CSMD1: variants seen among roughly 807,000 people sequenced by gnomAD.
CSMD1 encodes the protein CUB and Sushi multiple domains 1, also known as CUB and sushi domain-containing protein 1.
In CSMD1, 213 loss-of-function variants were observed where a neutral mutation model predicts 417.5. The observed-to-expected ratio is 0.51, with a 90% CI of 0.46 to 0.57. The LOEUF (loss-of-function observed/expected upper bound fraction) is 0.57. Ranked by LOEUF, CSMD1 falls within the 20% of genes least tolerant of loss-of-function variation. The pLI, the probability that CSMD1 is intolerant of heterozygous loss-of-function variation, is 0.00. For synonymous variants in CSMD1, 2,862 were observed against 1,736.8 expected, an observed-to-expected ratio of 1.65 and a Z score of -16.11; for missense variants, 6,923 against 4,529.7, an observed-to-expected ratio of 1.53 and a Z score of -15.17.
chr8:4,319,197 A>G (rs1799116511), intron 3 of CSMD1, among the ~76,000 whole-genome samples: 1 of 152,178 alleles, frequency 6.6e-6, no homozygotes, highest in Admixed American at 6.5e-5. Context: ...AGTAATTCCA[A>G]TTACAGATTT....
chr8:2,955,781 T>G lies in CSMD1; in HGVS notation c.9815-13A>C. 6.2e-7 allele frequency: 1 copy of G among 1,610,634 alleles called. No homozygotes were observed. Among genetic ancestry groups the G allele is most frequent in the Non-Finnish European group, 8.5e-7 (1 of 1,177,958 alleles). ...CTGCAGGCATGAGCTGAAACAACAT[T>G]AGGAAACATTGAGACTTTGTTTATT... On this transcript the variant is annotated splice_polypyrimidine_tract_variant and intron_variant, in intron 63 of 69. Coordinates refer to ENST00000635120, the MANE Select transcript of CSMD1 (RefSeq NM_033225.6).
intron 2 of CSMD1, among the ~76,000 whole-genome samples, chr8:4,632,956 G>C (rs1442665005): frequency 1.3e-5 from 2 of 152,158 alleles, no homozygotes; most frequent in African/African-American, 2.4e-5. Context: ...GGACAAACGG[G>C]AGGGACTGAA....
intron 8 of CSMD1, among the ~76,000 whole-genome samples, chr8:3,614,983 A>G (rs1802066811): frequency 1.3e-5 from 2 of 152,212 alleles, no homozygotes; most frequent in African/African-American, 4.8e-5. Flanking sequence ...CAAGGAAGGA[A>G]TACATAGAAT....
intron 30 of CSMD1, among the ~76,000 whole-genome samples, chr8:3,214,032 G>C (rs549759430): frequency 6.6e-6 from 1 of 152,088 alleles, no homozygotes; most frequent in Non-Finnish European, 1.5e-5. Context: ...TTTTAGCGGA[G>C]ACAGGGTTTC....
At chr8:3,794,547 C>G (rs577316929) in intron 5 of CSMD1, among the ~76,000 whole-genome samples, 1 of 152,196 alleles carries the variant, frequency 6.6e-6, no homozygotes, top group South Asian at 2.1e-4. Flanking sequence ...TTTAATACAA[C>G]TTTCCTGCCA....
At chr8:3,680,436 C>T (rs1051315761) in intron 7 of CSMD1, among the ~76,000 whole-genome samples, 4 of 152,116 alleles carry the variant, frequency 2.6e-5, no homozygotes, top group East Asian at 1.9e-4. Context: ...AGAAAATCTA[C>T]AAGAAACAGA....
chr8:4,284,343 G>A (rs1267420673), intron 3 of CSMD1, among the ~76,000 whole-genome samples: 1 of 152,068 alleles, frequency 6.6e-6, no homozygotes, highest in African/African-American at 2.4e-5. Context: ...ACTCCAGCCT[G>A]GGGGACAAGA....
chr8:3,967,394 G>T (rs957263014), intron 5 of CSMD1, among the ~76,000 whole-genome samples: 5 of 151,876 alleles, frequency 3.3e-5, no homozygotes, highest in Non-Finnish European at 7.4e-5. Context: ...CTCTAGGGAG[G>T]TTGTCATTCA....
At chr8:4,867,654 G>A (rs1206746826) in intron 1 of CSMD1, among the ~76,000 whole-genome samples, 2 of 152,042 alleles carry the variant, frequency 1.3e-5, no homozygotes, top group Non-Finnish European at 2.9e-5. Flanking sequence ...ATTGGAAATA[G>A]AATGATGGTG....
chr8:4,198,449 T>C (rs891960174), intron 3 of CSMD1, among the ~76,000 whole-genome samples: 1 of 152,178 alleles, frequency 6.6e-6, no homozygotes, highest in African/African-American at 2.4e-5. Context: ...GGTGGTTAGG[T>C]AAAATATGGA....
intron 2 of CSMD1, among the ~76,000 whole-genome samples, chr8:4,476,607 T>TG (rs777198505): frequency 5.3e-5 from 8 of 152,160 alleles, no homozygotes. Flanking sequence ...AGTAAAACAC[T>TG]GAGGGTTTGA....
intron 5 of CSMD1, among the ~76,000 whole-genome samples, chr8:3,937,331 C>G (rs1336209287): frequency 6.6e-6 from 1 of 152,120 alleles, no homozygotes. Context: ...GCAACACATG[C>G]TATATAGAAA....
chr8:4,315,815 A>T (rs1207702474), intron 3 of CSMD1, among the ~76,000 whole-genome samples: 2 of 152,084 alleles, frequency 1.3e-5, no homozygotes, highest in Non-Finnish European at 2.9e-5. Flanking sequence ...TTTTTTCTTT[A>T]TTCTTCAGAA....
intron 50 of CSMD1, among the ~76,000 whole-genome samples, chr8:3,045,991 G>A (rs953888686): frequency 6.6e-6 from 1 of 152,174 alleles, no homozygotes; most frequent in African/African-American, 2.4e-5. Flanking sequence ...TATGCACACA[G>A]GGACTCACAC....
chr8:3,565,299 T>C (rs1432490544), intron 10 of CSMD1, among the ~76,000 whole-genome samples: 1 of 151,576 alleles, frequency 6.6e-6, no homozygotes, highest in Non-Finnish European at 1.5e-5. Context: ...CGTCCTCCTT[T>C]CCCCAGTGGC....
At chr8:2,964,461 G>C (rs930931153) in intron 59 of CSMD1, among the ~76,000 whole-genome samples, 2 of 152,212 alleles carry the variant, frequency 1.3e-5, no homozygotes, top group Non-Finnish European at 2.9e-5. Flanking sequence ...CCTGGGGGCA[G>C]GGGGAATGGG....
chr8:4,130,387 A>G (rs150427626), intron 3 of CSMD1, among the ~76,000 whole-genome samples: 2 of 152,134 alleles, frequency 1.3e-5, no homozygotes, highest in African/African-American at 2.4e-5. Flanking sequence ...CTTGTAAAAT[A>G]TACTTTTGAT....
chr8:4,433,397 C>G (rs944920055), intron 2 of CSMD1, among the ~76,000 whole-genome samples: 1 of 152,082 alleles, frequency 6.6e-6, no homozygotes, highest in East Asian at 1.9e-4. Flanking sequence ...ACATAAATTT[C>G]TACTAAAAGA....
intron 1 of CSMD1, among the ~76,000 whole-genome samples, chr8:4,965,950 G>A (rs1809829804): frequency 6.6e-6 from 1 of 152,130 alleles, no homozygotes; most frequent in Non-Finnish European, 1.5e-5. Context: ...CTCAACATGT[G>A]TGAGCATAAC....
Sources: allele counts gnomAD v4.1 joint callset (sites outside exome capture counted in the v4.1 genomes callset), GRCh38; gene constraint gnomAD v4.1.1; transcripts MANE v1.5; gene names NCBI Gene and HGNC (gene_info 2026-07-23, HGNC 2026-07-21).